CECR2: variants seen among roughly 807,000 people sequenced by gnomAD.
CECR2 encodes CECR2 histone acetyl-lysine reader, also known as chromatin remodeling regulator CECR2.
A neutral mutation model predicts 154.5 loss-of-function variants in CECR2; 30 were observed. That is an observed-to-expected ratio of 0.19 (90% CI 0.15 to 0.26). The LOEUF (loss-of-function observed/expected upper bound fraction) is 0.26. Among genes scored for constraint, CECR2 ranks in the 10% least tolerant of loss-of-function variants. The pLI, the probability that CECR2 is intolerant of heterozygous loss-of-function variation, is 1.00. For synonymous variants in CECR2, 725 were observed against 683.7 expected (o/e 1.06, Z -0.94); for missense variants, 1,743 against 1,829.3 (o/e 0.95, Z 0.86).
In CECR2 at chr22:17,525,285, C is replaced by CAAAAAAAAAAAAAAA. The variant is rs1569142080; in HGVS notation, c.1108+1014_1108+1015insAAAAAAAAAAAAAAA. 1.6e-3 allele frequency among the ~76,000 whole-genome samples: 53 copies of CAAAAAAAAAAAAAAA among 32,324 alleles called. 15 individuals are homozygous for CAAAAAAAAAAAAAAA. The highest frequency in any genetic ancestry group is 5.8e-3 in the East Asian group (2 of 342). 21.2% of individuals were successfully genotyped at this position (32,324 alleles called of 152,430 possible). ...GGGCAACAAGAGTGAAACTCCATCTCCAAAAAAAAAAAAAAAAAAAAAAAA... is the reference window on the plus strand; with the variant it reads ...GGGCAACAAGAGTGAAACTCCATCTCAAAAAAAAAAAAAAACAAAAAAAAAAAAAAAAAAAAAAAA... On this transcript the variant is annotated intron_variant, in intron 9 of 18. Coordinates refer to ENST00000262608, the MANE Select transcript of CECR2 (RefSeq NM_001290047.2).
In CECR2 at chr22:17,542,244, A is replaced by G. The variant is rs1241227407; in HGVS notation, c.2101A>G (p.Asn701Asp). Residue 701 changes from asparagine to aspartate, a missense_variant, in exon 16 of 19, where the codon AAC (asparagine) becomes GAC (aspartate). Asn to Asp is a conservative substitution (Grantham distance 23). Around this residue, in one of 4 missense-constraint regions of CECR2, gnomAD observed 1,250 missense variants for 1,192.1 expected, o/e 1.05. Transcript: ENST00000262608. ...GTGCGGGGGGCTGACACACCTTTCT[A>G]ACATGGGCCCACACCCTGGATCCTT... is the stretch of plus-strand genomic sequence containing the variant. Reference protein sequence around the residue: ...QMCGGLTHLSNMGPHPGSLQL... With the variant: ...QMCGGLTHLSDMGPHPGSLQL... 1 of 1,611,256 alleles carries G rather than the reference A, an allele frequency of 6.2e-7. No homozygotes were observed. The highest frequency in any genetic ancestry group is 8.5e-7 in the Non-Finnish European group (1 of 1,178,696).
rs139839970 is a variant in CECR2 at position 17,532,861 on chromosome 22, G to C, written c.1109-4242G>C. Among the ~76,000 whole-genome samples the C allele has an allele frequency of 2.8e-3, 418 of 151,282 alleles. 3 individuals carry two copies. The highest frequency in any genetic ancestry group is 9.6e-3 in the African/African-American group (398 of 41,264). On this transcript the variant is annotated intron_variant, in intron 9 of 18. Transcript: ENST00000262608. ...GCCTCCAAAGTAGCTGGGATTACAG[G>C]CATGTGCCACCACGCCTGGCAATTT...
intron 1 of CECR2, among the ~76,000 whole-genome samples, chr22:17,390,579 G>A (rs769190055): frequency 2.6e-5 from 4 of 152,184 alleles, no homozygotes; most frequent in Non-Finnish European, 4.4e-5. Flanking sequence ...AAGTTGGCGT[G>A]CAGTTTTCAT....
intron 1 of CECR2, among the ~76,000 whole-genome samples, chr22:17,363,613 A>G (rs999656474): frequency 6.6e-6 from 1 of 151,998 alleles, no homozygotes; most frequent in African/African-American, 2.4e-5. Context: ...AAAATGCTGG[A>G]ATTACAGGCA....
In CECR2 at chr22:17,465,082, C is replaced by T. The variant is rs549211639; in HGVS notation, c.127-12506C>T. 2.3e-3 allele frequency among the ~76,000 whole-genome samples: 352 copies of T among 151,850 alleles called. 2 individuals carry two copies. Among genetic ancestry groups the T allele is most frequent in the African/African-American group, 3.3e-3 (135 of 41,432 alleles). On this transcript the variant is annotated intron_variant, in intron 1 of 18. Transcript: ENST00000262608. ...CGCGATCTCAGCTCACTGCAAGCCC[C>T]GCCTCCTGGGTTCACGCCATTCTCC... is the stretch of plus-strand genomic sequence containing the variant.
chr22:17,464,325 T>G (rs2054991344), intron 1 of CECR2, among the ~76,000 whole-genome samples: 2 of 152,214 alleles, frequency 1.3e-5, no homozygotes, highest in South Asian at 4.1e-4. Flanking sequence ...TCCTAGTTCT[T>G]AAATTGTCAA....
intron 14 of CECR2, 134 bp from the exon 15 acceptor site, chr22:17,541,705 C>T (rs1438400774): frequency 1.3e-5 from 14 of 1,075,908 alleles, no homozygotes; most frequent in East Asian, 1.0e-4. Flanking sequence ...TGTTCACAGT[C>T]TCCCTGTCTC....
chr22:17,481,305 T>C (rs569383967), intron 2 of CECR2, among the ~76,000 whole-genome samples: 14 of 144,838 alleles, frequency 9.7e-5, no homozygotes, highest in Admixed American at 5.6e-4. Context: ...ATCGTGTCAT[T>C]GCACTCCAGC....
intron 1 of CECR2, among the ~76,000 whole-genome samples, chr22:17,408,914 C>A (rs1312783075): frequency 6.6e-6 from 1 of 152,178 alleles, no homozygotes; most frequent in African/African-American, 2.4e-5. Flanking sequence ...TCTGCATCTT[C>A]TACCTTCCTT....
chr22:17,399,417 T>C (rs1379560376), intron 1 of CECR2, among the ~76,000 whole-genome samples: 2 of 36,640 alleles, frequency 5.5e-5, no homozygotes, highest in Admixed American at 5.0e-4. Context: ...GTAATGGTGA[T>C]TTTTTTTTTT....
chr22:17,417,480 GA>G (rs893717119), intron 1 of CECR2, among the ~76,000 whole-genome samples: 4 of 149,560 alleles, frequency 2.7e-5, no homozygotes, highest in African/African-American at 1.0e-4. Context: ...CTTGTGGCCT[GA>G]AAAAAAATTT....
intron 9 of CECR2, among the ~76,000 whole-genome samples, chr22:17,533,136 T>G (rs1225261989): frequency 6.7e-6 from 1 of 149,388 alleles, no homozygotes; most frequent in Non-Finnish European, 1.5e-5. Flanking sequence ...GCCAACTTGG[T>G]GAAACCCCGT....
At position 17,512,971 on chromosome 22, in the gene CECR2, A is replaced by T. The variant is rs185719258; in HGVS notation, c.954+1075A>T. Among the ~76,000 whole-genome samples the T allele has an allele frequency of 4.6e-5, 7 of 152,300 alleles. No homozygotes were observed. The East Asian group carries it at 1.4e-3, about 29-fold the overall frequency. On this transcript the variant is annotated intron_variant, in intron 8 of 18. Transcript: ENST00000262608. ...GAAATGTTTAGGTCACATGAAAGAG[A>T]GAGGGCATCATGTGGGAGTTTGAGA...
chr22:17,442,597 G>A (rs1007675565), intron 1 of CECR2, among the ~76,000 whole-genome samples: 3 of 152,128 alleles, frequency 2.0e-5, no homozygotes, highest in African/African-American at 7.2e-5. Flanking sequence ...CGCCCAGGCT[G>A]GAGTGCAGTG....
At chr22:17,404,151 T>G (rs1314263706) in intron 1 of CECR2, among the ~76,000 whole-genome samples, 23 of 150,818 alleles carry the variant, frequency 1.5e-4, no homozygotes, top group African/African-American at 3.9e-4. Flanking sequence ...CCCAGCTACT[T>G]GGGAGGCCGA....
intron 1 of CECR2, among the ~76,000 whole-genome samples, chr22:17,471,727 G>GT: frequency 6.6e-6 from 1 of 152,034 alleles, no homozygotes; most frequent in East Asian, 1.9e-4. Flanking sequence ...TAGAGACAGG[G>GT]TTTCACCATG....
intron 2 of CECR2, among the ~76,000 whole-genome samples, chr22:17,484,632 G>A (rs565196006): frequency 1.4e-4 from 21 of 152,032 alleles, no homozygotes; most frequent in Non-Finnish European, 2.1e-4. Context: ...CTGGCGCAAC[G>A]TCTCAAGCCT....
intron 1 of CECR2, among the ~76,000 whole-genome samples, chr22:17,383,688 G>A (rs1372761252): frequency 7.5e-6 from 1 of 132,722 alleles, no homozygotes; most frequent in African/African-American, 2.9e-5. Flanking sequence ...TTGAAGTGGA[G>A]TCTTGCTCTA....
intron 17 of CECR2, among the ~76,000 whole-genome samples, chr22:17,550,571 G>C (rs1053897120): frequency 1.6e-4 from 24 of 152,290 alleles, no homozygotes; most frequent in African/African-American, 5.1e-4. Context: ...TTTCACACAT[G>C]CTTGTGTAGT....
Sources: gnomAD v4.1 joint callset for allele counts (sites outside exome capture counted in the v4.1 genomes callset) on GRCh38, gnomAD v4.1.1 for gene constraint, gnomAD v4.1.1 regional missense constraint, MANE v1.5 for transcripts, NCBI Gene and HGNC (gene_info 2026-07-23, HGNC 2026-07-21) for gene names.